SYCP2: variants seen among roughly 807,000 people sequenced by gnomAD.
SYCP2 encodes the protein synaptonemal complex lateral element protein.
In SYCP2, 55 loss-of-function variants were observed where a neutral mutation model predicts 211.3. That is an observed-to-expected ratio of 0.26 (90% CI 0.21 to 0.33). The LOEUF is 0.33. SYCP2 is among the 10% of genes least tolerant of loss of function. The pLI is 1.00. For missense variants in SYCP2, 1,731 were observed against 1,752.0 expected, an observed-to-expected ratio of 0.99 and a Z score of 0.21; for synonymous variants, 570 against 555.2, an observed-to-expected ratio of 1.03 and a Z score of -0.37.
Position 59,909,899 on chromosome 20 carries a change from T to C in SYCP2, c.972+1851A>G, listed in dbSNP as rs79704407. Among the ~76,000 whole-genome samples the C allele has an allele frequency of 4.3e-3, 660 of 152,336 alleles. 5 individuals carry two copies. Among genetic ancestry groups the C allele is most frequent in the African/African-American group, 0.015 (608 of 41,584 alleles). On this transcript the variant is annotated intron_variant, in intron 14 of 44. Coordinates refer to ENST00000357552, the MANE Select transcript of SYCP2 (RefSeq NM_014258.4). ...TACTTTATATTGAGTAACCTGAGAATACTCTATGAGAAGGCAACATTTGTG... is the reference window on the plus strand; with the variant it reads ...TACTTTATATTGAGTAACCTGAGAACACTCTATGAGAAGGCAACATTTGTG...
chr20:59,918,548 A>G (rs1428137998), intron 7 of SYCP2, among the ~76,000 whole-genome samples: 1 of 152,164 alleles, frequency 6.6e-6, no homozygotes, highest in Non-Finnish European at 1.5e-5. Flanking sequence ...CATAACCTTC[A>G]ATTGGAAGTG....
At chr20:59,872,441 T>C (rs1162507768) in intron 35 of SYCP2, among the ~76,000 whole-genome samples, 1 of 152,012 alleles carries the variant, frequency 6.6e-6, no homozygotes, top group African/African-American at 2.4e-5. Flanking sequence ...TTTTACTAAA[T>C]AATGCCCCTC....
intron 14 of SYCP2, among the ~76,000 whole-genome samples, chr20:59,907,820 T>C (rs187300258): frequency 5.4e-4 from 82 of 152,338 alleles, no homozygotes; most frequent in African/African-American, 1.9e-3. Flanking sequence ...ACCACAATAC[T>C]CATTAACTGA....
At chr20:59,876,985 CA>C (rs1191942652) in intron 33 of SYCP2, among the ~76,000 whole-genome samples, 1 of 152,100 alleles carries the variant, frequency 6.6e-6, no homozygotes, top group African/African-American at 2.4e-5. Flanking sequence ...CATTATGAGA[CA>C]TAAGGAAGAA....
At chr20:59,930,259 T>C (rs1205136440) in intron 2 of SYCP2, among the ~76,000 whole-genome samples, 1 of 150,780 alleles carries the variant, frequency 6.6e-6, no homozygotes, top group Non-Finnish European at 1.5e-5. Context: ...GAATTTTCCA[T>C]AATAATAAAA....
chr20:59,893,616 A>G (rs571326246), intron 20 of SYCP2, 23 bp from the exon 21 acceptor site: 1 of 1,566,254 alleles, frequency 6.4e-7, no homozygotes, highest in South Asian at 1.2e-5. Context: ...GAAACAGGTT[A>G]ACGTAAACTT....
chr20:59,898,466 G>A (rs6071016), intron 18 of SYCP2, among the ~76,000 whole-genome samples: 1 of 152,088 alleles, frequency 6.6e-6, no homozygotes, highest in Admixed American at 6.5e-5. Flanking sequence ...ACTAACACAA[G>A]AACAGAAAAC....
intron 24 of SYCP2, among the ~76,000 whole-genome samples, 163 bp downstream of exon 24, chr20:59,891,824 TACG>T (rs757419649): frequency 1.3e-5 from 2 of 152,060 alleles, no homozygotes; most frequent in South Asian, 2.1e-4. Flanking sequence ...CTATCAGAGC[TACG>T]ACAAGGGAGA....
chr20:59,893,291 A>G, intron 21 of SYCP2, 92 bp from the exon 22 acceptor site: 1 of 890,996 alleles, frequency 1.1e-6, no homozygotes, highest in Non-Finnish European at 1.7e-6. Context: ...AAAGGTTCAC[A>G]TATTGGGATG....
In SYCP2 at chr20:59,881,477, CT is replaced by C; in HGVS notation, c.2673del (p.Ala892LeufsTer15). The C allele has an allele frequency of 6.5e-7, 1 of 1,527,502 alleles. No homozygotes were observed. Among genetic ancestry groups the C allele is most frequent in the Non-Finnish European group, 8.9e-7 (1 of 1,128,234 alleles). The allele number at this position is 1,527,502 out of a possible 1,614,324, so 94.6% of individuals were successfully genotyped here. On this transcript the variant is annotated frameshift_variant, in exon 29 of 45. Transcript: ENST00000357552. LOFTEE classifies it high-confidence loss of function. ...PIIKLGIQEF[Q>X]ATAKEACADR... ...TCCGCACAAGCTTCTTTAGCTGTAGCTTGAAACTCTTGGATCTATATTGTAA... is the reference window on the plus strand; with the variant it reads ...TCCGCACAAGCTTCTTTAGCTGTAGCTGAAACTCTTGGATCTATATTGTAA...
chr20:59,876,534 C>T (rs1413128834), intron 33 of SYCP2, among the ~76,000 whole-genome samples: 1 of 151,612 alleles, frequency 6.6e-6, no homozygotes, highest in Non-Finnish European at 1.5e-5. Flanking sequence ...CTGTACTGTT[C>T]AGAAACCTAT....
chr20:59,888,938 G>C (rs6027171), intron 24 of SYCP2, among the ~76,000 whole-genome samples: 1 of 151,432 alleles, frequency 6.6e-6, no homozygotes, highest in African/African-American at 2.4e-5. Context: ...ACATGTACGA[G>C]AGAAAAACTA....
chr20:59,885,947 GGTTT>G lies in SYCP2; in HGVS notation c.2506_2509del (p.Lys836LeufsTer18). 1 of 1,599,632 alleles carries G rather than the reference GGTTT, an allele frequency of 6.3e-7. No homozygotes were observed. Among genetic ancestry groups the G allele is most frequent in the South Asian group, 1.1e-5 (1 of 88,238 alleles). On this transcript the variant is annotated frameshift_variant, in exon 26 of 45. Transcript: ENST00000357552. LOFTEE classifies it high-confidence loss of function. ...ACCTACCTTACTGAGTTGTACAACA[GGTTT>G]GTTTGAAAAACCACTGTAAAAAAAG...
intron 30 of SYCP2, 90 bp from the exon 31 acceptor site, chr20:59,880,561 A>C (rs554751280): frequency 1.0e-4 from 75 of 726,194 alleles, no homozygotes; most frequent in Admixed American, 3.3e-4. Flanking sequence ...ACAACAACAA[A>C]AAAAAACAAA....
intron 10 of SYCP2, among the ~76,000 whole-genome samples, chr20:59,914,564 G>T (rs2060396690): frequency 6.6e-6 from 1 of 151,516 alleles, no homozygotes; most frequent in African/African-American, 2.4e-5. Flanking sequence ...CCACACAGTT[G>T]TCTGTAAGTT....
intron 41 of SYCP2, 41 bp downstream of exon 41, chr20:59,866,252 A>T (rs1568898007): frequency 7.6e-7 from 1 of 1,324,092 alleles, no homozygotes; most frequent in African/African-American, 1.5e-5. Flanking sequence ...CTTTAAAAAT[A>T]AGGTTTTAAA....
chr20:59,877,529 CT>C lies in SYCP2; in HGVS notation c.3005del (p.Lys1002ArgfsTer48). On this transcript the variant is annotated frameshift_variant, in exon 33 of 45. Transcript: ENST00000357552. LOFTEE classifies it high-confidence loss of function. ...KMTPSKNITK[K>X]MDKTIPEGRI... ...TTCCTTCCGGAATTGTCTTGTCCAT[CT>C]TTTTTGTGATATTTTTACTGGGTGT... The C allele has an allele frequency of 6.3e-7, 1 of 1,592,684 alleles. No individual in the cohort carries two copies.
At chr20:59,889,627 A>G (rs750952035) in intron 24 of SYCP2, among the ~76,000 whole-genome samples, 1 of 152,022 alleles carries the variant, frequency 6.6e-6, no homozygotes, top group Non-Finnish European at 1.5e-5. Flanking sequence ...GTTCTTATAT[A>G]TAATAGGTAC....
intron 2 of SYCP2, among the ~76,000 whole-genome samples, chr20:59,930,951 ATAAG>A (rs2060728137): frequency 6.6e-6 from 1 of 152,346 alleles, no homozygotes; most frequent in South Asian, 2.1e-4. Context: ...TCAATAGTAA[ATAAG>A]TAAAAGTCTT....
Sources: gnomAD v4.1 joint callset for allele counts (sites outside exome capture counted in the v4.1 genomes callset) on GRCh38, gnomAD v4.1.1 for gene constraint, MANE v1.5 for transcripts, NCBI Gene and HGNC (gene_info 2026-07-23, HGNC 2026-07-21) for gene names.